The following ZDHHC11 variants were observed in gnomAD, a reference collection of about 807,000 sequenced individuals.
The protein encoded by ZDHHC11 is zDHHC palmitoyltransferase 11.
A neutral mutation model predicts 51.3 loss-of-function variants in ZDHHC11; 44 were observed. The ratio of observed to expected loss-of-function variants is 0.86; its 90% confidence interval spans 0.67 to 1.10. ZDHHC11 has a LOEUF of 1.10. Ranked by LOEUF, ZDHHC11 falls within the 50% of genes least tolerant of loss-of-function variation. ZDHHC11 has a pLI of 0.00. For missense variants in ZDHHC11, 400 were observed against 537.7 expected (o/e 0.74, Z 2.53); for synonymous variants, 163 against 222.0 (o/e 0.73, Z 2.36).
rs375535464 is a variant in ZDHHC11 at position 825,070 on chromosome 5, G to A, written c.1023+94C>T. ...ATTGGACACAGAGTGCTTCCATTCT[G>A]AATACTGCCTTAACCTCAGCTTGGG... On this transcript the variant is annotated intron_variant, in intron 8 of 12. Coordinates refer to ENST00000283441, the MANE Select transcript of ZDHHC11 (RefSeq NM_024786.3). 44 of 1,304,650 alleles carry A rather than the reference G, an allele frequency of 3.4e-5. No individual in the cohort carries two copies. In the Middle Eastern group the frequency reaches 5.4e-4, roughly 16 times the overall value. The allele number at this position is 1,304,650 out of a possible 1,614,324, so 80.8% of individuals were successfully genotyped here.
At position 803,038 on chromosome 5, in the gene ZDHHC11, A is replaced by C. The variant is rs1334518791; in HGVS notation, c.1182-1874T>G. ...TCTATCTCAAAAAAAAAAAAGAAAA[A>C]GAAAGGAGAAGCTGCTGGTCTTTCG... On this transcript the variant is annotated intron_variant, in intron 11 of 12. Coordinates refer to ENST00000283441, the MANE Select transcript of ZDHHC11 (RefSeq NM_024786.3). Among the ~76,000 whole-genome samples the C allele has an allele frequency of 6.7e-5, 10 of 150,054 alleles. 1 individual carries two copies. Among genetic ancestry groups the C allele is most frequent in the Admixed American group, 1.3e-4 (2 of 15,098 alleles).
chr5:802,675 G>T (rs1338565016), intron 11 of ZDHHC11, among the ~76,000 whole-genome samples: 1 of 150,092 alleles, frequency 6.7e-6, no homozygotes, highest in Non-Finnish European at 1.5e-5. Flanking sequence ...GAGAGTGCTT[G>T]AAGAAAGGAG....
intron 3 of ZDHHC11, among the ~76,000 whole-genome samples, chr5:845,457 C>A (rs1251430576): frequency 6.6e-6 from 1 of 152,186 alleles, no homozygotes; most frequent in Non-Finnish European, 1.5e-5. Context: ...CAGGGACATT[C>A]TCCTCTTGGT....
At chr5:804,304 A>C (rs1738927267) in intron 11 of ZDHHC11, among the ~76,000 whole-genome samples, 1 of 151,312 alleles carries the variant, frequency 6.6e-6, no homozygotes, top group Non-Finnish European at 1.5e-5. Flanking sequence ...TGTATACACA[A>C]TCTGCCCATT....
intron 1 of ZDHHC11, among the ~76,000 whole-genome samples, chr5:848,970 G>C (rs898288315): frequency 3.3e-5 from 5 of 151,636 alleles, no homozygotes; most frequent in Admixed American, 6.6e-5. Context: ...CCCGAGCCCA[G>C]CTCACCCATG....
At chr5:814,613 C>T (rs1415252152) in intron 11 of ZDHHC11, 148 bp downstream of exon 11, 3 of 874,188 alleles carry the variant, frequency 3.4e-6, no homozygotes, top group Non-Finnish European at 4.8e-6. Flanking sequence ...ACATGAATGG[C>T]TATAAATGTT....
chr5:807,251 G>GT (rs1412489782), intron 11 of ZDHHC11, among the ~76,000 whole-genome samples: 3 of 40,286 alleles, frequency 7.4e-5, no homozygotes, highest in African/African-American at 1.3e-4. Flanking sequence ...TGCCCTTTCT[G>GT]TTAAAAAAAA....
At chr5:843,145 C>A (rs1229802570) in intron 4 of ZDHHC11, among the ~76,000 whole-genome samples, 1 of 152,292 alleles carries the variant, frequency 6.6e-6, no homozygotes, top group Non-Finnish European at 1.5e-5. Context: ...GCTCCGGGCC[C>A]ACTTGGCCAA....
At chr5:825,333 G>A (rs1369849990) in intron 7 of ZDHHC11, 82 bp from the exon 8 acceptor site, 64 of 1,388,980 alleles carry the variant, frequency 4.6e-5, no homozygotes, top group Admixed American at 2.5e-4. Flanking sequence ...GCACCGCGTC[G>A]TGTCAGCACC....
chr5:846,306 G>A (rs1379626864), intron 3 of ZDHHC11, among the ~76,000 whole-genome samples: 2 of 151,076 alleles, frequency 1.3e-5, no homozygotes, highest in African/African-American at 2.5e-5. Flanking sequence ...CCACTCCCAC[G>A]CACACCAAGG....
chr5:818,010 C>T (rs1186827279), intron 10 of ZDHHC11, among the ~76,000 whole-genome samples: 4 of 151,212 alleles, frequency 2.6e-5, no homozygotes, highest in African/African-American at 9.7e-5. Flanking sequence ...GAATTCTCCT[C>T]CCCGATGTGA....
At chr5:808,984 TACACACACACACACACACAC>T (rs56961185) in intron 11 of ZDHHC11, among the ~76,000 whole-genome samples, 2 of 133,752 alleles carry the variant, frequency 1.5e-5, no homozygotes, top group African/African-American at 5.7e-5. Context: ...GACCATCAGT[TACACACACACACACACACAC>T]ACACACACAC....
rs573551899 is a variant in ZDHHC11 at position 838,561 on chromosome 5, C to T, written c.785-1081G>A. The stretch of plus-strand genomic sequence containing the variant: ...GTCCTGTGAGGTAGAGAAGAAGCTC[C>T]TGGACATCCTGGAGTCACTGCCCAG... On this transcript the variant is annotated intron_variant, in intron 5 of 12. Transcript: ENST00000283441. Among the ~76,000 whole-genome samples, 43 of 152,208 alleles carry T rather than the reference C, an allele frequency of 2.8e-4. No homozygotes were observed. In the South Asian group the frequency reaches 7.9e-3, roughly 28 times the overall value.
At chr5:801,256 T>C in intron 11 of ZDHHC11, 92 bp from the exon 12 acceptor site, 1 of 1,506,288 alleles carries the variant, frequency 6.6e-7, no homozygotes, top group Non-Finnish European at 9.1e-7. Flanking sequence ...TAAACAAGAG[T>C]ACATTTTAGA....
rs1425275936 is a variant in ZDHHC11, at chr5:818,302, T to C, written c.1146+1223A>G. On this transcript the variant is annotated intron_variant, in intron 10 of 12. Coordinates refer to ENST00000283441, the MANE Select transcript of ZDHHC11 (RefSeq NM_024786.3). ...CATGGAGTGAGGGAACGTTGGTGGGTGAGTCTGGGCGGGGCAGGCTGGGGG... is the reference window on the plus strand; with the variant it reads ...CATGGAGTGAGGGAACGTTGGTGGGCGAGTCTGGGCGGGGCAGGCTGGGGG... Among the ~76,000 whole-genome samples, 2 of 151,548 alleles carry C rather than the reference T, an allele frequency of 1.3e-5. 1 individual carries two copies. Among genetic ancestry groups the C allele is most frequent in the Non-Finnish European group, 3.0e-5 (2 of 67,728 alleles).
chr5:828,450 G>T (rs1269275694), intron 7 of ZDHHC11, among the ~76,000 whole-genome samples: 10 of 151,222 alleles, frequency 6.6e-5, no homozygotes, highest in South Asian at 2.1e-4. Flanking sequence ...CCGGCCGGGT[G>T]GGGGCTGACC....
Position 801,102 on chromosome 5 carries a change from G to C in ZDHHC11, c.*5C>G. ...ACCCGCACTGCCACGTATCTTACCT[G>C]AATCTCAGTCTTCACTTTCAGCACT... On this transcript the variant is annotated splice_region_variant and 3_prime_UTR_variant, in exon 12 of 13. Coordinates refer to ENST00000283441, the MANE Select transcript of ZDHHC11 (RefSeq NM_024786.3). 1.1e-5 allele frequency: 18 copies of C among 1,609,934 alleles called. 3 individuals carry two copies. The highest frequency in any genetic ancestry group is 1.5e-5 in the Non-Finnish European group (18 of 1,176,798).
At chr5:832,799 CTA>C (rs1486728734) in intron 7 of ZDHHC11, among the ~76,000 whole-genome samples, 2 of 150,586 alleles carry the variant, frequency 1.3e-5, no homozygotes, top group Non-Finnish European at 3.0e-5. Context: ...AAAGTTATAA[CTA>C]TATAAGCAAA....
chr5:859,666 T>G (rs778650468), upstream of ZDHHC11, among the ~76,000 whole-genome samples: 1 of 152,230 alleles, frequency 6.6e-6, no homozygotes, highest in African/African-American at 2.4e-5. Context: ...GTTGTTTCAC[T>G]GGCCATCCTC....
Sources: gnomAD v4.1 joint callset for allele counts (sites outside exome capture counted in the v4.1 genomes callset) on GRCh38, gnomAD v4.1.1 for gene constraint, MANE v1.5 for transcripts, NCBI Gene and HGNC (gene_info 2026-07-23, HGNC 2026-07-21) for gene names.